ZNF688: variants seen among roughly 807,000 people sequenced by gnomAD.
The protein encoded by ZNF688 is zinc finger protein 688.
Under a neutral mutation model 13.2 loss-of-function variants are expected in ZNF688, and 10 were observed. The observed-to-expected ratio is 0.76, with a 90% CI of 0.47 to 1.28. ZNF688 has a LOEUF of 1.28. ZNF688 is among the 50% of genes most tolerant of loss of function. The pLI is 0.00. For missense variants in ZNF688, 381 were observed against 391.4 expected (o/e 0.97, Z 0.22); for synonymous variants, 160 against 159.4 (o/e 1.00, Z -0.03).
chr16:30,572,129 T>C, upstream of ZNF688: 1 of 1,599,286 alleles, frequency 6.3e-7, no homozygotes, highest in Non-Finnish European at 8.5e-7. Context: ...TACCCCTCTG[T>C]ACCCGCAATA....
At chr16:30,576,190 T>C (rs1435116577), upstream of ZNF688, among the ~76,000 whole-genome samples, 1 of 151,828 alleles carries the variant, frequency 6.6e-6, no homozygotes, top group Non-Finnish European at 1.5e-5. Flanking sequence ...TGGGATTACA[T>C]ACGTGCACCA....
At chr16:30,571,751 A>G, upstream of ZNF688, 1 of 1,336,790 alleles carries the variant, frequency 7.5e-7, no homozygotes, top group Non-Finnish European at 9.5e-7. Flanking sequence ...GTCCGAACGC[A>G]GCCGAGGCAA....
At chr16:30,572,522 A>T (rs2051703045), upstream of ZNF688, 1 of 404,680 alleles carries the variant, frequency 2.5e-6, no homozygotes, top group Admixed American at 4.4e-5. Context: ...GTGCTTGGTG[A>T]GGATGGAATC....
At chr16:30,574,316 C>T (rs964418164), upstream of ZNF688, among the ~76,000 whole-genome samples, 3 of 152,080 alleles carry the variant, frequency 2.0e-5, no homozygotes, top group Non-Finnish European at 2.9e-5. Flanking sequence ...GAGGCCAAGG[C>T]GGGAGGATCA....
Position 30,571,584 on chromosome 16 carries a change from T to A in ZNF688, c.46A>T (p.Thr16Ser). ...APLLAPRPGE[T>S]RPGCRKPGTV... ...CCGGGCTTCCTGCAACCAGGCCGGG[T>A]CTCCCCGGGCCTCGGCGCCAGGAGC... Residue 16 changes from threonine (T) to serine (S), a missense_variant, in exon 1 of 3, where the codon ACC becomes TCC. Coordinates refer to ENST00000223459, the MANE Select transcript of ZNF688 (RefSeq NM_145271.4). 6.4e-7 allele frequency: 1 copy of A among 1,554,356 alleles called. No individual in the cohort carries two copies. The highest frequency in any genetic ancestry group is 8.7e-7 in the Non-Finnish European group (1 of 1,151,058).
chr16:30,577,381 CTTTTT>C (rs768098748), upstream of ZNF688, among the ~76,000 whole-genome samples: 1 of 136,330 alleles, frequency 7.3e-6, no homozygotes, highest in Non-Finnish European at 1.6e-5. Flanking sequence ...TTGAAAGAAA[CTTTTT>C]TTTTTTTTTT....
Position 30,570,137 on chromosome 16 carries a change from T to G in ZNF688, c.610A>C (p.Met204Leu). Residue 204 changes from methionine (M) to leucine (L), a missense_variant, in exon 3 of 3, where the codon ATG becomes CTG. By Grantham distance (15) the Met-to-Leu change is conservative. Transcript: ENST00000223459. ...GGGAAAGGCCGCTCCCCCGAGTGCA[T>G]GCGCCTGTGGCTGACCAGCAGTGAG... ...YPSLLVSHRR[M>L]HSGERPFPCP... is the part of the protein sequence containing the mutation. The G allele has an allele frequency of 6.2e-7, 1 of 1,611,494 alleles. No homozygotes were observed. Among genetic ancestry groups the G allele is most frequent in the Non-Finnish European group, 8.5e-7 (1 of 1,178,758 alleles).
chr16:30,578,092 A>G, the ZNF688 span, among the ~76,000 whole-genome samples: 6 of 152,166 alleles, frequency 3.9e-5, no homozygotes, highest in Admixed American at 6.5e-5. Context: ...TAATCCTACC[A>G]CTTTGGGAGG....
chr16:30,572,499 C>T (rs2051702746), upstream of ZNF688: 2 of 417,474 alleles, frequency 4.8e-6, no homozygotes, highest in Admixed American at 4.4e-5. Flanking sequence ...ACCGAAGCTG[C>T]AGGCGAAGGA....
chr16:30,569,950 C>T lies in ZNF688; in HGVS notation c.797G>A (p.Arg266Gln). The change falls in exon 3 of 3, where the codon CGG (arginine) becomes CAG (glutamine). Residue 266 changes from arginine to glutamine, a missense_variant. Arg to Gln is a conservative substitution (Grantham distance 43, BLOSUM62 1). Transcript: ENST00000223459. The stretch of plus-strand genomic sequence containing the variant: ...CTCCTCGAAGATGTCTGGGTAGTGC[C>T]GGAAGAGCACAGGCGGGTCCCGGTC... ...RGDRDPPVLF[R>Q]HYPDIFEECG 2 of 1,582,134 alleles carry T rather than the reference C, an allele frequency of 1.3e-6. No homozygotes were observed. The highest frequency in any genetic ancestry group is 1.2e-5 in the South Asian group (1 of 86,880).
upstream of ZNF688, among the ~76,000 whole-genome samples, chr16:30,576,697 A>C (rs1474382908): frequency 6.6e-6 from 1 of 152,076 alleles, no homozygotes; most frequent in Non-Finnish European, 1.5e-5. Flanking sequence ...AGTGGTGTTG[A>C]GCATTTTTTC....
upstream of ZNF688, among the ~76,000 whole-genome samples, chr16:30,576,909 G>C (rs967475142): frequency 6.6e-6 from 1 of 151,582 alleles, no homozygotes; most frequent in Non-Finnish European, 1.5e-5. Flanking sequence ...GTTGGAACTA[G>C]AAGTGTGCAA....
Position 30,570,089 on chromosome 16 carries a change from A to T in ZNF688, c.658T>A (p.Phe220Ile), listed in dbSNP as rs1291487682. ...PFPCPECGMR[F>I]KRKFAVEAHQ... The stretch of plus-strand genomic sequence containing the variant: ...GCTTCCACTGCGAACTTCCTCTTGA[A>T]GCGCATGCCACACTCGGGGCAGGGG... The change falls in exon 3 of 3, where the codon TTC (phenylalanine) becomes ATC (isoleucine). Residue 220 changes from phenylalanine (F) to isoleucine (I), a missense_variant. Transcript: ENST00000223459. 1 of 1,611,492 alleles carries T rather than the reference A, an allele frequency of 6.2e-7. No individual in the cohort carries two copies. The highest frequency in any genetic ancestry group is 8.5e-7 in the Non-Finnish European group (1 of 1,179,262).
Position 30,569,867 on chromosome 16 carries a change from G to T in ZNF688, c.*49C>A. 1.3e-6 allele frequency: 2 copies of T among 1,500,374 alleles called. No individual in the cohort carries two copies. Among genetic ancestry groups the T allele is most frequent in the Non-Finnish European group, 1.8e-6 (2 of 1,126,074 alleles). The allele number at this position is 1,500,374 out of a possible 1,614,324, so 92.9% of individuals were successfully genotyped here. A position where few individuals can be genotyped will look rare whatever the true frequency, so the allele number is the denominator to read the frequency against. The stretch of plus-strand genomic sequence containing the variant: ...ACTCAGTGGCCCACCTCAGGGATCC[G>T]TCAGTCCTTCGTGCCAAGGTCAGGC... On this transcript the variant is annotated 3_prime_UTR_variant, in exon 3 of 3. Transcript: ENST00000223459.
Position 30,570,290 on chromosome 16 carries a change from G to T in ZNF688, c.457C>A (p.Pro153Thr), listed in dbSNP as rs761418929. ...AISVAPARAQ[P>T]PKNAAWDPTT... Reference sequence around the variant, plus strand: ...GGGTCCCAGGCAGCATTTTTGGGTGGCTGTGCCCGTGCCGGGGCCACGCTA... The same window carrying T: ...GGGTCCCAGGCAGCATTTTTGGGTGTCTGTGCCCGTGCCGGGGCCACGCTA... Residue 153 changes from proline to threonine, a missense_variant, in exon 3 of 3, where the codon CCA becomes ACA. Physicochemically the swap from Pro to Thr is conservative, Grantham distance 38 (BLOSUM62 -1). Coordinates refer to ENST00000223459, the MANE Select transcript of ZNF688 (RefSeq NM_145271.4). 6.8e-6 allele frequency: 11 copies of T among 1,613,958 alleles called. No individual in the cohort carries two copies. The highest frequency in any genetic ancestry group is 9.3e-6 in the Non-Finnish European group (11 of 1,179,968).
At chr16:30,575,651 CTTTT>C (rs1167548531), upstream of ZNF688, among the ~76,000 whole-genome samples, 7 of 149,904 alleles carry the variant, frequency 4.7e-5, no homozygotes, top group Non-Finnish European at 8.9e-5. Flanking sequence ...GTTCCCTTCT[CTTTT>C]TTTTTCTTTT....
upstream of ZNF688, chr16:30,571,777 C>G (rs1173854348): frequency 1.5e-6 from 2 of 1,327,952 alleles, no homozygotes. Flanking sequence ...GTAGCAGGGA[C>G]TGGCTGCTAG....
upstream of ZNF688, among the ~76,000 whole-genome samples, chr16:30,575,700 A>G (rs1393116560): frequency 1.3e-5 from 2 of 148,294 alleles, no homozygotes; most frequent in African/African-American, 5.0e-5. Context: ...CTTGTTGCCC[A>G]GGCTGGAGTG....
In ZNF688 at chr16:30,569,850, GCC is replaced by G; in HGVS notation, c.*64_*65del. On this transcript the variant is annotated 3_prime_UTR_variant, in exon 3 of 3. Coordinates refer to ENST00000223459, the MANE Select transcript of ZNF688 (RefSeq NM_145271.4). ...CAGTTCCGGAGTCCCCGACTCAGTG[GCC>G]CACCTCAGGGATCCGTCAGTCCTTC... is the stretch of plus-strand genomic sequence containing the variant. 6.7e-7 allele frequency: 1 copy of G among 1,483,496 alleles called. No individual in the cohort carries two copies. Among genetic ancestry groups the G allele is most frequent in the Non-Finnish European group, 9.0e-7 (1 of 1,117,148 alleles). The allele number at this position is 1,483,496 out of a possible 1,614,324, so 91.9% of individuals were successfully genotyped here. A position where few individuals can be genotyped will look rare whatever the true frequency, so the allele number is the denominator to read the frequency against.
Sources: allele counts gnomAD v4.1 joint callset (sites outside exome capture counted in the v4.1 genomes callset), GRCh38; gene constraint gnomAD v4.1.1; transcripts MANE v1.5; gene names NCBI Gene and HGNC (gene_info 2026-07-23, HGNC 2026-07-21).